The following POPDC1 variants were observed in gnomAD, a reference collection of about 807,000 sequenced individuals.
The protein encoded by POPDC1 is popeye domain cAMP effector 1.
chr6:105,131,501 G>C, the POPDC1 span, among the ~76,000 whole-genome samples: 2 of 151,736 alleles, frequency 1.3e-5, no homozygotes, highest in Non-Finnish European at 2.9e-5. Flanking sequence ...CAACAGCCTC[G>C]ACATCCCAGG....
chr6:105,125,769 A>C, the POPDC1 span, among the ~76,000 whole-genome samples: 127 of 152,328 alleles, frequency 8.3e-4, 1 homozygote, highest in East Asian at 0.021. Flanking sequence ...AGATGCTAAA[A>C]GGGTATGGTT....
the POPDC1 span, among the ~76,000 whole-genome samples, chr6:105,112,862 A>G: frequency 3.6e-3 from 542 of 152,262 alleles, 8 homozygotes; most frequent in African/African-American, 0.012. Context: ...ATGGAAAAAC[A>G]CTAGTCAACT....
At chr6:105,131,836 G>A in the POPDC1 span, among the ~76,000 whole-genome samples, 13 of 28,872 alleles carry the variant, frequency 4.5e-4, no homozygotes, top group Non-Finnish European at 1.1e-3. Context: ...TATAGGGTAC[G>A]GTATTTTTTT....
the POPDC1 span, among the ~76,000 whole-genome samples, chr6:105,133,931 A>G: frequency 6.6e-6 from 1 of 152,178 alleles, no homozygotes; most frequent in South Asian, 2.1e-4. Flanking sequence ...TAAGATAATC[A>G]CCAATGTTCA....
chr6:105,124,703 A>C, the POPDC1 span: 37 of 1,300,266 alleles, frequency 2.8e-5, no homozygotes, highest in African/African-American at 5.1e-4. Flanking sequence ...CACAAATACC[A>C]TGATAATCCT....
chr6:105,110,964 G>A, the POPDC1 span, among the ~76,000 whole-genome samples: 3 of 152,104 alleles, frequency 2.0e-5, no homozygotes, highest in Non-Finnish European at 4.4e-5. Context: ...GGGATTATAG[G>A]TGTAAGCCAG....
the POPDC1 span, among the ~76,000 whole-genome samples, chr6:105,109,763 CAAAA>C: frequency 8.7e-5 from 2 of 22,872 alleles, no homozygotes; most frequent in Non-Finnish European, 1.1e-4. Flanking sequence ...GACCCTTTCT[CAAAA>C]AAAAAAAAAA....
the POPDC1 span, among the ~76,000 whole-genome samples, chr6:105,109,769 A>C: frequency 6.9e-6 from 1 of 144,908 alleles, no homozygotes; most frequent in Non-Finnish European, 1.5e-5. Context: ...TTCTCAAAAA[A>C]AAAAAAAAAA....
chr6:105,100,240 T>C, the POPDC1 span: 1 of 152,162 alleles, frequency 6.6e-6, no homozygotes, highest in African/African-American at 2.4e-5. Context: ...CCGGGCGCGG[T>C]GGCTCACGCC....
At chr6:105,106,217 G>A in the POPDC1 span, among the ~76,000 whole-genome samples, 65 of 152,226 alleles carry the variant, frequency 4.3e-4, no homozygotes, top group Middle Eastern at 3.4e-3. Flanking sequence ...AAACAGTTAC[G>A]TCAAGAGTTA....
At chr6:105,098,473 C>T in the POPDC1 span, 1 of 152,198 alleles carries the variant, frequency 6.6e-6, no homozygotes, top group Admixed American at 6.5e-5. Flanking sequence ...GGTCTTATAT[C>T]ACCTACTTTT....
chr6:105,109,017 G>A, the POPDC1 span, among the ~76,000 whole-genome samples: 1 of 152,282 alleles, frequency 6.6e-6, no homozygotes, highest in South Asian at 2.1e-4. Flanking sequence ...CTGGAATGCA[G>A]TGTCGTGATC....
chr6:105,108,297 A>G, the POPDC1 span, among the ~76,000 whole-genome samples: 14 of 152,230 alleles, frequency 9.2e-5, no homozygotes, highest in African/African-American at 3.4e-4. Context: ...TAATCCATCC[A>G]GGATGAGGCT....
chr6:105,128,240 G>GC, the POPDC1 span, among the ~76,000 whole-genome samples: 2 of 152,138 alleles, frequency 1.3e-5, no homozygotes, highest in African/African-American at 2.4e-5. Context: ...TCCACCCCAT[G>GC]CCCCATATTA....
chr6:105,132,765 CA>C, the POPDC1 span, among the ~76,000 whole-genome samples: 2 of 151,788 alleles, frequency 1.3e-5, no homozygotes, highest in African/African-American at 2.4e-5. Flanking sequence ...TTACTGGGAC[CA>C]AAAAAAATTT....
At chr6:105,123,633 C>T in the POPDC1 span, among the ~76,000 whole-genome samples, 1 of 152,164 alleles carries the variant, frequency 6.6e-6, no homozygotes, top group Non-Finnish European at 1.5e-5. Flanking sequence ...ATCTCCTGAC[C>T]TCGTGATCTG....
At chr6:105,123,388 ATT>A in the POPDC1 span, among the ~76,000 whole-genome samples, 7 of 150,724 alleles carry the variant, frequency 4.6e-5, no homozygotes, top group Non-Finnish European at 1.5e-5. Context: ...TAATGGAGCA[ATT>A]TGTTTTTTGT....
chr6:105,134,398 T>C, the POPDC1 span, among the ~76,000 whole-genome samples: 11 of 152,298 alleles, frequency 7.2e-5, no homozygotes, highest in East Asian at 2.1e-3. Flanking sequence ...TTTCCTATGT[T>C]ACCTGTCTTC....
the POPDC1 span, chr6:105,097,359 C>T: frequency 6.6e-6 from 1 of 152,180 alleles, no homozygotes; most frequent in Non-Finnish European, 1.5e-5. Context: ...TATAAAGCAG[C>T]TTTATAAATG....
Sources: gnomAD v4.1 joint callset for allele counts (sites outside exome capture counted in the v4.1 genomes callset) on GRCh38, gnomAD v4.1.1 for gene constraint, MANE v1.5 for transcripts, NCBI Gene and HGNC (gene_info 2026-07-23, HGNC 2026-07-21) for gene names.